CREG2: variants seen among roughly 807,000 people sequenced by gnomAD.
The protein encoded by CREG2 is protein CREG2.
In CREG2, 24 loss-of-function variants were observed where a neutral mutation model predicts 26.2. The observed-to-expected ratio is 0.92, with a 90% CI of 0.66 to 1.29. The LOEUF is 1.29. Among genes scored for constraint, CREG2 ranks in the 50% most tolerant of loss-of-function variants. The pLI, the probability that CREG2 is intolerant of heterozygous loss-of-function variation, is 0.00. For synonymous variants in CREG2, 174 were observed against 169.2 expected (o/e 1.03, Z -0.22); for missense variants, 366 against 398.6 (o/e 0.92, Z 0.70).
chr2:101,364,165 G>A (rs1330927948), intron 2 of CREG2, among the ~76,000 whole-genome samples: 1 of 152,198 alleles, frequency 6.6e-6, no homozygotes, highest in Non-Finnish European at 1.5e-5. Flanking sequence ...AACCCATTGA[G>A]ATATGTCACA....
chr2:101,371,572 T>C (rs150512585), intron 2 of CREG2, among the ~76,000 whole-genome samples: 18 of 152,294 alleles, frequency 1.2e-4, no homozygotes, highest in Non-Finnish European at 2.2e-4. Context: ...GTCTGAACGA[T>C]GAAAGGCAGG....
chr2:101,362,146 T>A (rs1217639967), intron 2 of CREG2, among the ~76,000 whole-genome samples: 16 of 152,114 alleles, frequency 1.1e-4, no homozygotes. Flanking sequence ...GCTGAGGACT[T>A]CCAGAGTGGA....
At chr2:101,364,839 A>C (rs1025075454) in intron 2 of CREG2, among the ~76,000 whole-genome samples, 4 of 152,288 alleles carry the variant, frequency 2.6e-5, no homozygotes, top group Middle Eastern at 3.4e-3. Flanking sequence ...GTCTCAGGGC[A>C]ATCGTAAAGA....
intron 2 of CREG2, among the ~76,000 whole-genome samples, chr2:101,372,231 C>T (rs539552951): frequency 5.9e-5 from 9 of 152,274 alleles, no homozygotes; most frequent in Middle Eastern, 3.4e-3. Context: ...ATGATGGTGA[C>T]AAGTAAGCAA....
At chr2:101,355,781 G>A (rs191178190) in intron 2 of CREG2, among the ~76,000 whole-genome samples, 26 of 152,250 alleles carry the variant, frequency 1.7e-4, no homozygotes, top group African/African-American at 5.3e-4. Context: ...AGGTTCAGGA[G>A]CTGGGGTGAG....
intron 2 of CREG2, among the ~76,000 whole-genome samples, chr2:101,363,690 T>C (rs528234060): frequency 6.6e-6 from 1 of 152,260 alleles, no homozygotes; most frequent in Non-Finnish European, 1.5e-5. Flanking sequence ...TTTTTTATAA[T>C]ATAGAGAAAA....
chr2:101,386,929 C>T (rs1684976810), intron 1 of CREG2, 88 bp downstream of exon 1: 2 of 1,198,706 alleles, frequency 1.7e-6, no homozygotes, highest in Non-Finnish European at 2.1e-6. Context: ...GGATCTCAGT[C>T]CCGAGCGGTC....
At chr2:101,358,761 C>T (rs189199367) in intron 2 of CREG2, among the ~76,000 whole-genome samples, 1,682 of 20,946 alleles carry the variant, frequency 0.08, 717 homozygotes, top group Middle Eastern at 0.32. Context: ...GGTGGCCGGG[C>T]GCGGTGGCTC....
At chr2:101,356,039 G>A (rs989207887) in intron 2 of CREG2, among the ~76,000 whole-genome samples, 36 of 152,150 alleles carry the variant, frequency 2.4e-4, no homozygotes, top group African/African-American at 8.2e-4. Flanking sequence ...TTATGAAGCA[G>A]TGGAAGTGGC....
intron 2 of CREG2, among the ~76,000 whole-genome samples, chr2:101,371,424 C>T (rs1442414617): frequency 6.6e-6 from 1 of 152,108 alleles, no homozygotes; most frequent in African/African-American, 2.4e-5. Context: ...AGAGCAGAGG[C>T]CAAAGGGAAA....
At chr2:101,378,743 C>T (rs1684826419) in intron 2 of CREG2, among the ~76,000 whole-genome samples, 1 of 152,084 alleles carries the variant, frequency 6.6e-6, no homozygotes, top group East Asian at 1.9e-4. Context: ...CAGAAATCGC[C>T]AACCTAGCTG....
At chr2:101,370,924 C>T (rs1573311250) in intron 2 of CREG2, among the ~76,000 whole-genome samples, 1 of 152,204 alleles carries the variant, frequency 6.6e-6, no homozygotes, top group African/African-American at 2.4e-5. Flanking sequence ...ACGCTGGCAG[C>T]TCCCCGCCTG....
chr2:101,350,867 A>G lies in CREG2; in HGVS notation c.*56T>C. On this transcript the variant is annotated 3_prime_UTR_variant, in exon 4 of 4. Transcript: ENST00000324768. ...CAGTGGTCAATAGCTGTCTGGCTGC[A>G]TCACTGAAAAGGTTTTCATTTAAGT... The G allele has an allele frequency of 1.3e-6, 2 of 1,576,688 alleles. No individual in the cohort carries two copies. Among genetic ancestry groups the G allele is most frequent in the East Asian group, 4.5e-5 (2 of 44,690 alleles).
At chr2:101,355,195 C>A in intron 3 of CREG2, 58 bp downstream of exon 3, 2 of 1,136,256 alleles carry the variant, frequency 1.8e-6, no homozygotes, top group Admixed American at 3.5e-5. Context: ...CACAGCCTGA[C>A]CTCTGCTTAT....
intron 2 of CREG2, among the ~76,000 whole-genome samples, chr2:101,361,984 T>G (rs1157974920): frequency 6.6e-6 from 1 of 152,134 alleles, no homozygotes; most frequent in African/African-American, 2.4e-5. Context: ...CACTTCCCTC[T>G]CACACGCAGC....
At chr2:101,380,601 C>T (rs1684857170) in intron 2 of CREG2, among the ~76,000 whole-genome samples, 1 of 152,166 alleles carries the variant, frequency 6.6e-6, no homozygotes, top group Non-Finnish European at 1.5e-5. Context: ...GCTGCACAGA[C>T]TAACAGAGGA....
intron 2 of CREG2, among the ~76,000 whole-genome samples, chr2:101,380,271 C>T (rs2104485004): frequency 6.6e-6 from 1 of 152,320 alleles, no homozygotes; most frequent in East Asian, 1.9e-4. Flanking sequence ...CTGTTCTTGC[C>T]CCAGTTGTTG....
intron 2 of CREG2, among the ~76,000 whole-genome samples, chr2:101,358,131 A>G (rs1425586137): frequency 2.0e-5 from 3 of 152,078 alleles, no homozygotes; most frequent in Admixed American, 2.0e-4. Flanking sequence ...AGCTGGGATT[A>G]CAGGCTCACA....
intron 2 of CREG2, among the ~76,000 whole-genome samples, chr2:101,377,267 T>A (rs1323214155): frequency 1.3e-5 from 2 of 151,238 alleles, no homozygotes; most frequent in Non-Finnish European, 2.9e-5. Flanking sequence ...AAAAAAGAAA[T>A]GTTTTTATTT....
Sources: gnomAD v4.1 joint callset for allele counts (sites outside exome capture counted in the v4.1 genomes callset) on GRCh38, gnomAD v4.1.1 for gene constraint, MANE v1.5 for transcripts, NCBI Gene and HGNC (gene_info 2026-07-23, HGNC 2026-07-21) for gene names.